The following TTC29 variants were observed in gnomAD, a reference collection of about 807,000 sequenced individuals.
TTC29 encodes the protein tetratricopeptide repeat protein 29.
TTC29 carries 49 observed loss-of-function variants against 58.1 expected under a neutral mutation model. The observed-to-expected ratio is 0.84, with a 90% CI of 0.67 to 1.07. The LOEUF (loss-of-function observed/expected upper bound fraction) is 1.07. Among genes scored for constraint, TTC29 ranks in the 50% least tolerant of loss-of-function variants. The pLI, the probability that TTC29 is intolerant of heterozygous loss-of-function variation, is 0.00. For missense variants in TTC29, 582 were observed against 555.6 expected, an observed-to-expected ratio of 1.05 and a Z score of -0.48; for synonymous variants, 209 against 196.8, an observed-to-expected ratio of 1.06 and a Z score of -0.52.
chr4:146,918,103 C>T (rs1488797764), intron 4 of TTC29, among the ~76,000 whole-genome samples: 2 of 150,778 alleles, frequency 1.3e-5, no homozygotes, highest in Non-Finnish European at 3.0e-5. Context: ...CTAATTTGAA[C>T]TTTAGACGAA....
chr4:146,878,595 C>CCACCACATCAGA (rs1731426010), intron 6 of TTC29, among the ~76,000 whole-genome samples: 1 of 152,168 alleles, frequency 6.6e-6, no homozygotes, highest in South Asian at 2.1e-4. Context: ...ACAACTGGTT[C>CCACCACATCAGA]CACCACATCA....
At chr4:146,918,797 C>A (rs1734398192) in intron 4 of TTC29, among the ~76,000 whole-genome samples, 1 of 151,078 alleles carries the variant, frequency 6.6e-6, no homozygotes, top group Admixed American at 6.6e-5. Flanking sequence ...ATTCATCAGA[C>A]AATAGAAAGT....
chr4:146,758,667 G>T (rs1579608589), intron 11 of TTC29, among the ~76,000 whole-genome samples: 1 of 151,962 alleles, frequency 6.6e-6, no homozygotes, highest in Non-Finnish European at 1.5e-5. Flanking sequence ...GAATAAAACT[G>T]GAAATCAACT....
chr4:146,717,317 C>T lies in TTC29; in HGVS notation c.1331-9766G>A, dbSNP rs186966676. 5.3e-3 allele frequency among the ~76,000 whole-genome samples: 805 copies of T among 152,186 alleles called. 11 individuals are homozygous for T. Among genetic ancestry groups the T allele is most frequent in the African/African-American group, 0.018 (746 of 41,520 alleles). Reference sequence around the variant, plus strand: ...ATTTTGAGATGGAGTCTCACTCTGTCGCCTAGGCTGAAGTACAGCGGCACA... The same window carrying T: ...ATTTTGAGATGGAGTCTCACTCTGTTGCCTAGGCTGAAGTACAGCGGCACA... On this transcript the variant is annotated intron_variant, in intron 11 of 12. Coordinates refer to ENST00000325106, the MANE Select transcript of TTC29 (RefSeq NM_031956.4).
At chr4:146,813,118 A>C (rs150378901) in intron 10 of TTC29, 1 of 152,318 alleles carries the variant, frequency 6.6e-6, no homozygotes, top group Non-Finnish European at 1.5e-5. Context: ...ATTTTCATGC[A>C]TTATTTTGAT....
intron 11 of TTC29, 59 bp from the exon 12 acceptor site, chr4:146,707,610 G>T: frequency 1.6e-6 from 2 of 1,284,560 alleles, no homozygotes; most frequent in Non-Finnish European, 2.2e-6. Flanking sequence ...TAGTTATTTT[G>T]ATCTTGAACC....
chr4:146,764,262 T>A (rs1747126642), intron 11 of TTC29: 1 of 152,092 alleles, frequency 6.6e-6, no homozygotes, highest in African/African-American at 2.4e-5. Flanking sequence ...TGCAAGATTC[T>A]TATTAAAAAC....
Position 146,939,861 on chromosome 4 carries a change from G to A in TTC29, c.35C>T (p.Pro12Leu), listed in dbSNP as rs370260084. The change falls in exon 3 of 13, where the codon CCG (proline) becomes CTG (leucine). Residue 12 changes from proline to leucine, a missense_variant. Coordinates refer to ENST00000325106, the MANE Select transcript of TTC29 (RefSeq NM_031956.4). The part of the protein sequence containing the change: ...TTLPPLPMTR[P>L]KLTALARQKL... ...CTGTCTGGCTAAGGCTGTAAGCTTC[G>A]GGCGTGTCATGGGCAGTGGGGGCAG... is the stretch of plus-strand genomic sequence containing the variant. 4.1e-4 allele frequency: 668 copies of A among 1,613,098 alleles called. 2 individuals carry two copies. Among genetic ancestry groups the A allele is most frequent in the Non-Finnish European group, 5.0e-4 (590 of 1,179,636 alleles).
chr4:146,742,628 CTTCGT>C (rs1745243674), intron 11 of TTC29, among the ~76,000 whole-genome samples: 8 of 140,796 alleles, frequency 5.7e-5, no homozygotes, highest in African/African-American at 1.6e-4. Flanking sequence ...CCCTTCCTTC[CTTCGT>C]TTCCTTCCTT....
chr4:146,912,399 T>C (rs529452854), intron 4 of TTC29, among the ~76,000 whole-genome samples: 1 of 152,348 alleles, frequency 6.6e-6, no homozygotes, highest in South Asian at 2.1e-4. Flanking sequence ...TTTCTTGTTT[T>C]TGAAACTCAG....
At chr4:146,892,831 C>A (rs1178290534) in intron 6 of TTC29, among the ~76,000 whole-genome samples, 1 of 152,202 alleles carries the variant, frequency 6.6e-6, no homozygotes, top group East Asian at 1.9e-4. Context: ...GCAACTTCAG[C>A]AAAGTCTCAG....
chr4:146,776,900 G>A (rs1268825242), intron 11 of TTC29, among the ~76,000 whole-genome samples: 1 of 152,224 alleles, frequency 6.6e-6, no homozygotes. Flanking sequence ...GGAGTGGGGT[G>A]CTGGATGGTG....
chr4:146,795,724 T>A (rs965754858), intron 11 of TTC29, among the ~76,000 whole-genome samples: 1 of 152,188 alleles, frequency 6.6e-6, no homozygotes, highest in Non-Finnish European at 1.5e-5. Context: ...TACAGTCATA[T>A]TGCTTCTTTT....
chr4:146,881,264 G>T (rs190600180), intron 6 of TTC29, among the ~76,000 whole-genome samples: 2 of 152,228 alleles, frequency 1.3e-5, no homozygotes, highest in Admixed American at 6.6e-5. Flanking sequence ...ACATTTGCCA[G>T]TAAAAACAAT....
At chr4:146,850,952 C>T (rs1452177129) in intron 8 of TTC29, among the ~76,000 whole-genome samples, 1 of 152,010 alleles carries the variant, frequency 6.6e-6, no homozygotes, top group Non-Finnish European at 1.5e-5. Context: ...ACAGTAAGGA[C>T]CAATAAACAT....
chr4:146,869,777 T>C (rs903073659), intron 7 of TTC29, among the ~76,000 whole-genome samples: 7 of 152,166 alleles, frequency 4.6e-5, no homozygotes, highest in African/African-American at 4.8e-5. Flanking sequence ...AAACACCAAA[T>C]ATTAGTTTTT....
At chr4:146,804,956 G>C (rs1444890673) in intron 10 of TTC29, among the ~76,000 whole-genome samples, 1 of 152,198 alleles carries the variant, frequency 6.6e-6, no homozygotes, top group Non-Finnish European at 1.5e-5. Flanking sequence ...TCTCCCAGCA[G>C]GGGTCGACAG....
intron 11 of TTC29, among the ~76,000 whole-genome samples, chr4:146,708,926 CTGAA>C (rs1283544291): frequency 6.6e-6 from 1 of 152,096 alleles, no homozygotes. Flanking sequence ...ACTACTGCAC[CTGAA>C]GATGGGTTGG....
chr4:146,762,011 T>C (rs1006438268), intron 11 of TTC29, among the ~76,000 whole-genome samples: 1 of 152,010 alleles, frequency 6.6e-6, no homozygotes, highest in African/African-American at 2.4e-5. Flanking sequence ...CCTTGTGTTT[T>C]TTTTCTGGGC....
Sources: allele counts gnomAD v4.1 joint callset (sites outside exome capture counted in the v4.1 genomes callset), GRCh38; gene constraint gnomAD v4.1.1; transcripts MANE v1.5; gene names NCBI Gene and HGNC (gene_info 2026-07-23, HGNC 2026-07-21).